The following SLC25A33 variants were observed in gnomAD, a reference collection of about 807,000 sequenced individuals.
The protein encoded by SLC25A33 is bone marrow stromal cell mitochondrial carrier protein.
A neutral mutation model predicts 35.5 loss-of-function variants in SLC25A33; 15 were observed. The observed-to-expected ratio is 0.42, with a 90% confidence interval of 0.28 to 0.65. SLC25A33 has a LOEUF of 0.65. Among genes scored for constraint, SLC25A33 ranks in the 30% least tolerant of loss-of-function variants. The pLI is 0.20. For missense variants in SLC25A33, 257 were observed against 398.5 expected (o/e 0.64, Z 3.02); for synonymous variants, 136 against 148.7 (o/e 0.91, Z 0.62).
chr1:9,564,692 G>C (rs1643473469), intron 2 of SLC25A33, among the ~76,000 whole-genome samples: 1 of 142,462 alleles, frequency 7.0e-6, no homozygotes, highest in African/African-American at 2.6e-5. Flanking sequence ...TTCGAGACCA[G>C]CCTGGCCAAC....
At chr1:9,556,689 G>GTGTGTGTGTGTGTC in intron 2 of SLC25A33, among the ~76,000 whole-genome samples, 1 of 151,946 alleles carries the variant, frequency 6.6e-6, no homozygotes, top group East Asian at 1.9e-4. Flanking sequence ...GTCTGTGTGT[G>GTGTGTGTGTGTGTC]TGTGTGTGTG....
At chr1:9,543,996 G>A (rs1643131032) in intron 1 of SLC25A33, among the ~76,000 whole-genome samples, 1 of 151,978 alleles carries the variant, frequency 6.6e-6, no homozygotes, top group South Asian at 2.1e-4. Context: ...TCCCAGCTAC[G>A]TGGGAGGCTG....
chr1:9,571,577 G>A (rs555210659), intron 4 of SLC25A33, among the ~76,000 whole-genome samples: 25 of 152,090 alleles, frequency 1.6e-4, no homozygotes, highest in East Asian at 3.9e-4. Context: ...CCACCCGGCC[G>A]AGAAGGCTCT....
intron 1 of SLC25A33, among the ~76,000 whole-genome samples, chr1:9,543,335 G>A (rs1370400084): frequency 6.6e-6 from 1 of 151,896 alleles, no homozygotes; most frequent in East Asian, 1.9e-4. Flanking sequence ...GTGGAGACGG[G>A]GTTTCACCAT....
rs1199947160 is a variant in SLC25A33 at position 9,584,545 on chromosome 1, A to G, written c.*2044A>G. 6.6e-6 allele frequency: 1 copy of G among 152,240 alleles called. No homozygotes were observed. The highest frequency in any genetic ancestry group is 1.5e-5 in the Non-Finnish European group (1 of 68,092). 9.4% of individuals were successfully genotyped at this position (152,240 alleles called of 1,614,324 possible). A position where few individuals can be genotyped will look rare whatever the true frequency, so the allele number is the denominator to read the frequency against. On this transcript the variant is annotated 3_prime_UTR_variant, in exon 7 of 7. Transcript: ENST00000302692. The stretch of plus-strand genomic sequence containing the variant: ...CTCCTGAGTAGCTGGGACTACAGGC[A>G]TGCGCCACCACACCTGGCTAATTTT...
At chr1:9,571,374 A>G (rs528847843) in intron 4 of SLC25A33, among the ~76,000 whole-genome samples, 84 of 152,060 alleles carry the variant, frequency 5.5e-4, no homozygotes, top group African/African-American at 2.0e-3. Context: ...GCTCACTGCA[A>G]CCTCCGCCTC....
chr1:9,560,296 A>G (rs139630446), intron 2 of SLC25A33, among the ~76,000 whole-genome samples: 6 of 151,848 alleles, frequency 4.0e-5, no homozygotes, highest in African/African-American at 1.2e-4. Context: ...TGCAAATAAC[A>G]TGGTCATTCG....
chr1:9,572,728 T>A (rs1643608635), intron 4 of SLC25A33, among the ~76,000 whole-genome samples: 1 of 152,036 alleles, frequency 6.6e-6, no homozygotes, highest in Admixed American at 6.6e-5. Flanking sequence ...ACTGATACCA[T>A]GGTGTTGCTT....
At chr1:9,570,467 C>A in intron 4 of SLC25A33, 109 bp downstream of exon 4, 1 of 943,906 alleles carries the variant, frequency 1.1e-6, no homozygotes, top group South Asian at 1.6e-5. Flanking sequence ...TCCTTTGCAC[C>A]TAAAATTGTT....
chr1:9,576,095 T>C (rs2100410460), intron 5 of SLC25A33, among the ~76,000 whole-genome samples: 1 of 152,366 alleles, frequency 6.6e-6, no homozygotes, highest in African/African-American at 2.4e-5. Context: ...TGTATTCTTG[T>C]CATTCTGCCT....
intron 1 of SLC25A33, among the ~76,000 whole-genome samples, chr1:9,550,095 C>G (rs1249700412): frequency 7.4e-6 from 1 of 134,944 alleles, no homozygotes; most frequent in African/African-American, 2.8e-5. Flanking sequence ...TCACTGCAGC[C>G]TTGACCTCCT....
At chr1:9,561,713 A>G (rs1456183269) in intron 2 of SLC25A33, among the ~76,000 whole-genome samples, 5 of 152,142 alleles carry the variant, frequency 3.3e-5, no homozygotes, top group Non-Finnish European at 7.4e-5. Flanking sequence ...AGCGGCTTCA[A>G]GCTTCCTGGA....
chr1:9,543,892 G>A (rs1569838746), intron 1 of SLC25A33, among the ~76,000 whole-genome samples: 1 of 152,270 alleles, frequency 6.6e-6, no homozygotes, highest in East Asian at 1.9e-4. Flanking sequence ...GATCACCTGA[G>A]GTCAGGAGTT....
At chr1:9,571,441 G>A (rs992395792) in intron 4 of SLC25A33, among the ~76,000 whole-genome samples, 1 of 151,446 alleles carries the variant, frequency 6.6e-6, no homozygotes, top group East Asian at 2.0e-4. Flanking sequence ...CTATAGGCAC[G>A]TGTCACCACA....
intron 6 of SLC25A33, among the ~76,000 whole-genome samples, chr1:9,581,312 G>A (rs1355444374): frequency 6.6e-6 from 1 of 152,208 alleles, no homozygotes; most frequent in Non-Finnish European, 1.5e-5. Context: ...CCAGGAGGAG[G>A]AGGAAACTGA....
intron 3 of SLC25A33, among the ~76,000 whole-genome samples, 161 bp from the exon 4 acceptor site, chr1:9,570,097 G>T (rs1321348527): frequency 6.6e-6 from 1 of 152,118 alleles, no homozygotes; most frequent in Non-Finnish European, 1.5e-5. Flanking sequence ...TCCTGAACGT[G>T]CCTGTGGCAG....
chr1:9,576,631 G>T, intron 5 of SLC25A33: 2 of 600,786 alleles, frequency 3.3e-6, no homozygotes, highest in South Asian at 1.4e-5. Flanking sequence ...TCGAACTGTT[G>T]GTAGTTATGT....
chr1:9,567,832 T>C (rs559665830), intron 3 of SLC25A33, among the ~76,000 whole-genome samples: 1 of 152,334 alleles, frequency 6.6e-6, no homozygotes, highest in South Asian at 2.1e-4. Flanking sequence ...TCCTCATATC[T>C]TTGCAGGGCT....
At chr1:9,572,901 C>CA (rs57308070) in intron 4 of SLC25A33, among the ~76,000 whole-genome samples, 2,993 of 60,824 alleles carry the variant, frequency 0.049, 88 homozygotes, top group African/African-American at 0.14. Context: ...CCCGTCTCTA[C>CA]AAAAAAAAAA....
Sources: allele counts gnomAD v4.1 joint callset (sites outside exome capture counted in the v4.1 genomes callset), GRCh38; gene constraint gnomAD v4.1.1; transcripts MANE v1.5; gene names NCBI Gene and HGNC (gene_info 2026-07-23, HGNC 2026-07-21).